Variants in GARIN1B observed in about 807,000 individuals in gnomAD.
GARIN1B encodes the protein golgi associated RAB2 interactor 1B.
chr7:128,724,677 G>T, the GARIN1B span: 1 of 1,268,694 alleles, frequency 7.9e-7, no homozygotes, highest in Non-Finnish European at 1.0e-6. Context: ...TATTACTTAT[G>T]GTTTAATAGA....
chr7:128,731,278 C>A, the GARIN1B span: 1 of 739,848 alleles, frequency 1.4e-6, no homozygotes, highest in Non-Finnish European at 2.4e-6. Flanking sequence ...TGTACATAAC[C>A]ACGTCCTCGC....
chr7:128,726,505 A>T, the GARIN1B span, among the ~76,000 whole-genome samples: 2 of 152,216 alleles, frequency 1.3e-5, no homozygotes, highest in Non-Finnish European at 2.9e-5. Context: ...TGGCAACAAC[A>T]TGCAACTTAA....
the GARIN1B span, chr7:128,730,963 C>T: frequency 1.2e-6 from 1 of 820,088 alleles, no homozygotes; most frequent in Admixed American, 1.8e-5. Context: ...TGGGCCCGGC[C>T]ACCACCAACC....
At chr7:128,725,368 TC>T in the GARIN1B span, among the ~76,000 whole-genome samples, 1 of 96,718 alleles carries the variant, frequency 1.0e-5, no homozygotes, top group East Asian at 2.8e-4. Context: ...CTTCCTTCCT[TC>T]CTTCCTTCCT....
chr7:128,710,640 C>CT, the GARIN1B span, among the ~76,000 whole-genome samples: 5 of 151,952 alleles, frequency 3.3e-5, no homozygotes, highest in Admixed American at 2.6e-4. Flanking sequence ...TCTAACATGA[C>CT]TTCCAGATCT....
chr7:128,729,062 G>A, the GARIN1B span, among the ~76,000 whole-genome samples: 1 of 152,154 alleles, frequency 6.6e-6, no homozygotes, highest in South Asian at 2.1e-4. Context: ...TTTTAGGGTC[G>A]CAGGGTATCT....
At chr7:128,726,399 C>T in the GARIN1B span, among the ~76,000 whole-genome samples, 13 of 152,218 alleles carry the variant, frequency 8.5e-5, no homozygotes, top group African/African-American at 2.9e-4. Context: ...TTAGCTCTTT[C>T]TTGTTAGTTT....
the GARIN1B span, chr7:128,709,274 T>C: frequency 6.6e-6 from 1 of 152,220 alleles, no homozygotes; most frequent in Non-Finnish European, 1.5e-5. Flanking sequence ...CTGGACTACA[T>C]CTTAAGTAGT....
chr7:128,716,253 C>G, the GARIN1B span, among the ~76,000 whole-genome samples: 1 of 152,170 alleles, frequency 6.6e-6, no homozygotes, highest in Non-Finnish European at 1.5e-5. Context: ...CGTCTCCTTG[C>G]CTGGGCTCTC....
the GARIN1B span, among the ~76,000 whole-genome samples, chr7:128,711,766 C>G: frequency 6.6e-6 from 1 of 151,892 alleles, no homozygotes; most frequent in Non-Finnish European, 1.5e-5. Context: ...TATTGCTGGC[C>G]GTGGTGGCTC....
the GARIN1B span, among the ~76,000 whole-genome samples, chr7:128,713,092 G>A: frequency 6.6e-6 from 1 of 152,090 alleles, no homozygotes; most frequent in African/African-American, 2.4e-5. Context: ...ATTACTTAGG[G>A]CCAGGAGTTC....
chr7:128,724,867 G>A, the GARIN1B span: 7 of 1,287,720 alleles, frequency 5.4e-6, no homozygotes, highest in Admixed American at 2.3e-5. Context: ...GGAGGCAAGC[G>A]CTTATAGCAA....
chr7:128,709,549 C>T, the GARIN1B span, among the ~76,000 whole-genome samples: 1 of 152,064 alleles, frequency 6.6e-6, no homozygotes. Context: ...ATTCTTTCTC[C>T]ATTGTTTCAT....
At chr7:128,715,759 G>C in the GARIN1B span, 2 of 1,356,812 alleles carry the variant, frequency 1.5e-6, no homozygotes, top group Non-Finnish European at 2.1e-6. Flanking sequence ...ATGACTGAGA[G>C]AGTCCATCCC....
the GARIN1B span, chr7:128,717,120 T>C: frequency 4.4e-6 from 4 of 907,210 alleles, no homozygotes; most frequent in Non-Finnish European, 1.6e-6. Flanking sequence ...TTGATTTTTT[T>C]AGACAACAGA....
chr7:128,718,159 G>A, the GARIN1B span, among the ~76,000 whole-genome samples: 1 of 152,086 alleles, frequency 6.6e-6, no homozygotes, highest in Non-Finnish European at 1.5e-5. Flanking sequence ...TTGGCTGGGC[G>A]CGGTGGCTCG....
the GARIN1B span, among the ~76,000 whole-genome samples, chr7:128,728,449 A>T: frequency 2.6e-5 from 4 of 152,292 alleles, no homozygotes; most frequent in South Asian, 8.3e-4. Flanking sequence ...CTTAAAAAAA[A>T]AAAATGGATA....
At chr7:128,728,016 C>T in the GARIN1B span, among the ~76,000 whole-genome samples, 46 of 152,328 alleles carry the variant, frequency 3.0e-4, no homozygotes, top group African/African-American at 1.1e-3. Flanking sequence ...ATTATTCCTT[C>T]ACGTTGGCTC....
the GARIN1B span, chr7:128,725,066 G>A: frequency 4.2e-6 from 1 of 240,422 alleles, no homozygotes; most frequent in East Asian, 1.1e-4. Context: ...AGATTTAGAG[G>A]CAAATTGTAA....
Sources: gnomAD v4.1 joint callset for allele counts (sites outside exome capture counted in the v4.1 genomes callset) on GRCh38, gnomAD v4.1.1 for gene constraint, MANE v1.5 for transcripts, NCBI Gene and HGNC (gene_info 2026-07-23, HGNC 2026-07-21) for gene names.